PIAS4: variants seen among roughly 807,000 people sequenced by gnomAD.
PIAS4 encodes the protein E3 SUMO-protein ligase PIAS4.
Under a neutral mutation model 58.0 loss-of-function variants are expected in PIAS4, and 7 were observed. The observed-to-expected ratio is 0.12, with a 90% CI of 0.07 to 0.23. PIAS4 has a LOEUF of 0.23. Among genes scored for constraint, PIAS4 ranks in the 10% least tolerant of loss-of-function variants. The pLI, the probability that PIAS4 is intolerant of heterozygous loss-of-function variation, is 1.00. For missense variants in PIAS4, 550 were observed against 709.5 expected, an observed-to-expected ratio of 0.78 and a Z score of 2.55; for synonymous variants, 364 against 312.4, an observed-to-expected ratio of 1.17 and a Z score of -1.74.
At chr19:4,023,899 C>T in intron 2 of PIAS4, 137 bp from the exon 3 acceptor site, 1 of 673,868 alleles carries the variant, frequency 1.5e-6, no homozygotes, top group Admixed American at 2.2e-5. Context: ...CGGCCCCCAC[C>T]TCTGCCCCAC....
At chr19:4,019,947 C>T (rs2040092500) in intron 2 of PIAS4, among the ~76,000 whole-genome samples, 1 of 150,508 alleles carries the variant, frequency 6.6e-6, no homozygotes, top group African/African-American at 2.5e-5. Flanking sequence ...GAAATGGAGT[C>T]TCGCTGTCGC....
At position 4,037,367 on chromosome 19, in the gene PIAS4, G is replaced by T. The variant is rs760336302; in HGVS notation, c.1143-7G>T. ...AGCCCCGGCGTCAGCTGTCCGCCTCGCCCCAGGCTCCTCTCGAAGATCCTG... is the reference window on the plus strand; with the variant it reads ...AGCCCCGGCGTCAGCTGTCCGCCTCTCCCCAGGCTCCTCTCGAAGATCCTG... On this transcript the variant is annotated splice_polypyrimidine_tract_variant and splice_region_variant and intron_variant, in intron 9 of 10. Transcript: ENST00000262971. The surrounding 1 kb of genome is among the most constrained non-coding windows in gnomAD (Gnocchi z 5.8). 4 of 1,597,918 alleles carry T rather than the reference G, an allele frequency of 2.5e-6. No individual in the cohort carries two copies. The highest frequency in any genetic ancestry group is 2.7e-5 in the African/African-American group (2 of 74,570).
rs2040191271 is a variant in PIAS4 at position 4,028,562 on chromosome 19, A to G, written c.634A>G (p.Ile212Val). 1 of 1,612,678 alleles carries G rather than the reference A, an allele frequency of 6.2e-7. No homozygotes were observed. Among genetic ancestry groups the G allele is most frequent in the Non-Finnish European group, 8.5e-7 (1 of 1,179,824 alleles). Reference protein sequence around the residue: ...CPQEDQYPPNIAVKVNHSYCS... With the variant: ...CPQEDQYPPNVAVKVNHSYCS... ...TCAGGAGGACCAGTACCCGCCCAAC[A>G]TCGCTGTGAAGGTCAACCACAGCTA... Residue 212 changes from isoleucine (I) to valine (V), a missense_variant, in exon 5 of 11, where the codon ATC (isoleucine) becomes GTC (valine). Ile to Val is a conservative substitution (Grantham distance 29, BLOSUM62 3). Transcript: ENST00000262971.
At chr19:4,028,465 C>T (rs1314379201) in intron 4 of PIAS4, 45 bp from the exon 5 acceptor site, 1 of 1,428,542 alleles carries the variant, frequency 7.0e-7, no homozygotes, top group East Asian at 2.3e-5. Flanking sequence ...CCTAGTCCCT[C>T]CTGTGCGCCC....
At position 4,028,873 on chromosome 19, in the gene PIAS4, C is replaced by T. The variant is rs777523347; in HGVS notation, c.801+25C>T. 8.1e-6 allele frequency: 13 copies of T among 1,612,916 alleles called. No individual in the cohort carries two copies. The East Asian group carries it at 2.5e-4, about 30-fold the overall frequency. Reference sequence around the variant, plus strand: ...GGTGAGTGCGTGCCCGGGTGCCCACCCTGCCCCCCAACCCCGGCCCCGTCC... The same window carrying T: ...GGTGAGTGCGTGCCCGGGTGCCCACTCTGCCCCCCAACCCCGGCCCCGTCC... On this transcript the variant is annotated intron_variant, in intron 6 of 10. Transcript: ENST00000262971.
intron 1 of PIAS4, among the ~76,000 whole-genome samples, chr19:4,011,767 G>A (rs1375223924): frequency 3.7e-5 from 1 of 27,212 alleles, no homozygotes; most frequent in Non-Finnish European, 7.3e-5. Flanking sequence ...GTGGGGTGTG[G>A]AGGTGTGTGG....
chr19:4,018,822 A>C (rs1451209446), intron 2 of PIAS4: 10 of 152,266 alleles, frequency 6.6e-5, no homozygotes, highest in Admixed American at 6.5e-4. Context: ...ATTTGTACAA[A>C]GACAAATATA....
At position 4,028,638 on chromosome 19, in the gene PIAS4, TG is replaced by T. The variant is rs755412311; in HGVS notation, c.672+44del. ...CGCCCCCGCGTCGGCTGCACGGGTT[TG>T]GGGGGCGTGGAGGGAGGGTGGGGGC... On this transcript the variant is annotated intron_variant, in intron 5 of 10. Transcript: ENST00000262971. The T allele has an allele frequency of 8.1e-6, 13 of 1,608,582 alleles. No individual in the cohort carries two copies. The East Asian group carries it at 1.6e-4, about 19-fold the overall frequency.
chr19:4,013,450 T>A lies in PIAS4; in HGVS notation c.454+101T>A. The A allele has an allele frequency of 9.0e-7, 1 of 1,107,850 alleles. No homozygotes were observed. Among genetic ancestry groups the A allele is most frequent in the Non-Finnish European group, 1.3e-6 (1 of 772,276 alleles). 68.6% of individuals were successfully genotyped at this position (1,107,850 alleles called of 1,614,324 possible). The stretch of plus-strand genomic sequence containing the variant: ...AGCCGACTTCGAGTGATGTTCTCTG[T>A]GGCGCAGCCAGGGCGGGGAGCCACA... On this transcript the variant is annotated intron_variant, in intron 2 of 10. Coordinates refer to ENST00000262971, the MANE Select transcript of PIAS4 (RefSeq NM_015897.4). The surrounding 1 kb of genome is among the most constrained non-coding windows in gnomAD (Gnocchi z 5.1).
At chr19:4,022,081 T>C (rs1312974399) in intron 2 of PIAS4, among the ~76,000 whole-genome samples, 6 of 152,182 alleles carry the variant, frequency 3.9e-5, no homozygotes, top group African/African-American at 9.6e-5. Context: ...GTTTTAATTA[T>C]GGATCCAACT....
chr19:4,018,107 C>T (rs534980126), intron 2 of PIAS4, among the ~76,000 whole-genome samples: 7 of 152,358 alleles, frequency 4.6e-5, no homozygotes, highest in Non-Finnish European at 7.4e-5. Flanking sequence ...CCACCAGGCC[C>T]GGCCCCAGTC....
chr19:4,030,755 G>T (rs192783532), intron 7 of PIAS4, among the ~76,000 whole-genome samples: 2 of 152,354 alleles, frequency 1.3e-5, no homozygotes, highest in East Asian at 3.9e-4. Flanking sequence ...GGCCTTCTCT[G>T]GTGGCCACTG....
At chr19:4,014,195 T>TC (rs2040028997) in intron 2 of PIAS4, among the ~76,000 whole-genome samples, 1 of 152,148 alleles carries the variant, frequency 6.6e-6, no homozygotes, top group Admixed American at 6.5e-5. Context: ...GGTGCTGGGC[T>TC]CCACGCTTCT....
In PIAS4 at chr19:4,024,072, G is replaced by T. The variant is rs773419050; in HGVS notation, c.491G>T (p.Cys164Phe). The part of the protein sequence containing the change: ...QNNEKLQESP[C>F]IFALTPRQVE... Reference sequence around the variant, plus strand: ...AACGAGAAGCTTCAGGAGAGCCCGTGCATCTTCGCATTGACGCCAAGACAG... The same window carrying T: ...AACGAGAAGCTTCAGGAGAGCCCGTTCATCTTCGCATTGACGCCAAGACAG... Residue 164 changes from cysteine to phenylalanine, a missense_variant, in exon 3 of 11, where the codon TGC becomes TTC. Cys to Phe is a radical substitution (Grantham distance 205). Coordinates refer to ENST00000262971, the MANE Select transcript of PIAS4 (RefSeq NM_015897.4). The T allele has an allele frequency of 2.5e-6, 4 of 1,614,006 alleles. No homozygotes were observed. The highest frequency in any genetic ancestry group is 3.3e-5 in the Admixed American group (2 of 60,020).
chr19:4,013,082 G>A lies in PIAS4; in HGVS notation c.187G>A (p.Glu63Lys), dbSNP rs769704640. ...ELFKKIKELY[E>K]TRYAKKNSEP... ...GTTCAAGAAGATCAAGGAGCTGTAC[G>A]AGACCCGCTACGCCAAGAAGAACTC... Residue 63 changes from glutamate to lysine, a missense_variant, in exon 2 of 11, where the codon GAG becomes AAG. Physicochemically the swap from Glu to Lys is moderately conservative, Grantham distance 56 (BLOSUM62 1). Transcript: ENST00000262971. This position sits in a 1 kb window ranked among gnomAD's most constrained non-coding sequence, Gnocchi z 5.1. 3 of 1,613,472 alleles carry A rather than the reference G, an allele frequency of 1.9e-6. No individual in the cohort carries two copies. Among genetic ancestry groups the A allele is most frequent in the South Asian group, 1.1e-5 (1 of 91,086 alleles).
chr19:4,008,486 C>T (rs2039964134), intron 1 of PIAS4, among the ~76,000 whole-genome samples: 1 of 152,180 alleles, frequency 6.6e-6, no homozygotes, highest in Non-Finnish European at 1.5e-5. Context: ...GTCTCTCACA[C>T]GCCGGAGTGG....
chr19:4,027,152 T>C (rs1482353625), intron 3 of PIAS4, among the ~76,000 whole-genome samples: 1 of 152,108 alleles, frequency 6.6e-6, no homozygotes, highest in Non-Finnish European at 1.5e-5. Context: ...GCACCTGGCC[T>C]AATTTTTGTA....
chr19:4,016,003 A>C (rs2040049533), intron 2 of PIAS4, among the ~76,000 whole-genome samples: 1 of 152,158 alleles, frequency 6.6e-6, no homozygotes, highest in Non-Finnish European at 1.5e-5. Context: ...GGCACCCAGA[A>C]CAGTGCGGAG....
rs144808756 is a variant in PIAS4, at chr19:4,014,904, TC to T, written c.454+1557del. 7.8e-3 allele frequency among the ~76,000 whole-genome samples: 1,183 copies of T among 152,254 alleles called. 16 individuals carry two copies. The highest frequency in any genetic ancestry group is 0.024 in the African/African-American group (998 of 41,548). On this transcript the variant is annotated intron_variant, in intron 2 of 10. Transcript: ENST00000262971. ...GAGGTTAGGCTGGAGGGGCTGTGCT[TC>T]CAGGTGAGGATGGAGGAAGTGGAGG...
Sources: gnomAD v4.1 joint callset for allele counts (sites outside exome capture counted in the v4.1 genomes callset) on GRCh38, gnomAD v4.1.1 for gene constraint, Gnocchi (gnomAD v3.1) non-coding constraint, MANE v1.5 for transcripts, NCBI Gene and HGNC (gene_info 2026-07-23, HGNC 2026-07-21) for gene names.